Variants in SOX5 observed in about 807,000 individuals in gnomAD.
SOX5 encodes SRY-box transcription factor 5.
In SOX5, 9 loss-of-function variants were observed where a neutral mutation model predicts 92.0. The observed-to-expected ratio is 0.10, with a 90% confidence interval of 0.06 to 0.17. SOX5 has a LOEUF of 0.17. Among genes scored for constraint, SOX5 ranks in the 10% least tolerant of loss-of-function variants. SOX5 has a pLI of 1.00. For missense variants in SOX5, 642 were observed against 944.5 expected (o/e 0.68, Z 4.20); for synonymous variants, 344 against 336.3 (o/e 1.02, Z -0.25).
chr12:24,281,955 TCGATGCGATTTC>T (rs1241767387), intron 2 of SOX5, among the ~76,000 whole-genome samples: 1 of 114,814 alleles, frequency 8.7e-6, no homozygotes, highest in African/African-American at 3.9e-5. Context: ...ACTGTGTTCC[TCGATGCGATTTC>T]CGGGGCATCA....
chr12:23,822,542 T>G (rs1382241120), intron 3 of SOX5, among the ~76,000 whole-genome samples: 1 of 152,210 alleles, frequency 6.6e-6, no homozygotes, highest in Non-Finnish European at 1.5e-5. Context: ...CTTCCAATTA[T>G]GTGGTCAATT....
intron 2 of SOX5, among the ~76,000 whole-genome samples, chr12:23,877,578 T>G (rs2096941423): frequency 6.6e-6 from 1 of 152,084 alleles, no homozygotes; most frequent in Non-Finnish European, 1.5e-5. Flanking sequence ...TAATAAGAGA[T>G]ATATCAAAGC....
chr12:23,561,887 C>T (rs866299018), intron 11 of SOX5, among the ~76,000 whole-genome samples: 1 of 151,538 alleles, frequency 6.6e-6, no homozygotes. Flanking sequence ...GAATTCAATG[C>T]GCTTAACAAA....
At chr12:23,537,209 A>G (rs934245217) in intron 13 of SOX5, among the ~76,000 whole-genome samples, 1 of 151,912 alleles carries the variant, frequency 6.6e-6, no homozygotes, top group Non-Finnish European at 1.5e-5. Context: ...TTAAAATTAT[A>G]ATATTAATAA....
chr12:24,150,377 G>A (rs1025355458), intron 4 of SOX5, among the ~76,000 whole-genome samples: 2 of 152,118 alleles, frequency 1.3e-5, no homozygotes, highest in Admixed American at 6.5e-5. Context: ...TTGGACTGAG[G>A]AAAATATCAT....
chr12:23,760,679 T>C (rs2094538443), intron 3 of SOX5, among the ~76,000 whole-genome samples: 1 of 152,060 alleles, frequency 6.6e-6, no homozygotes, highest in Non-Finnish European at 1.5e-5. Context: ...GCTCATTCCC[T>C]ATAACTCTCA....
chr12:23,654,815 G>A (rs1159358510), intron 7 of SOX5, among the ~76,000 whole-genome samples: 1 of 152,032 alleles, frequency 6.6e-6, no homozygotes, highest in Non-Finnish European at 1.5e-5. Context: ...AGAATGGTAA[G>A]TAATGAATGG....
intron 4 of SOX5, among the ~76,000 whole-genome samples, chr12:24,193,453 C>G (rs1259636433): frequency 6.6e-6 from 1 of 152,232 alleles, no homozygotes; most frequent in African/African-American, 2.4e-5. Context: ...CATTTGCTAT[C>G]CTTGGCTGCC....
At chr12:24,451,882 A>G (rs1942364149) in intron 1 of SOX5, among the ~76,000 whole-genome samples, 1 of 152,230 alleles carries the variant, frequency 6.6e-6, no homozygotes, top group African/African-American at 2.4e-5. Context: ...ATGCCATTAG[A>G]AAAGTAATAA....
At chr12:23,896,352 A>C (rs2097177655) in intron 1 of SOX5, among the ~76,000 whole-genome samples, 1 of 152,220 alleles carries the variant, frequency 6.6e-6, no homozygotes, top group South Asian at 2.1e-4. Flanking sequence ...ATCTAGTTTT[A>C]CACTCTGATA....
At chr12:24,344,081 G>A (rs1952903091) in intron 2 of SOX5, among the ~76,000 whole-genome samples, 1 of 151,930 alleles carries the variant, frequency 6.6e-6, no homozygotes. Context: ...TCAGGAGATT[G>A]AGGCCATCCT....
At chr12:24,226,325 T>C (rs952169946) in intron 3 of SOX5, among the ~76,000 whole-genome samples, 2 of 152,164 alleles carry the variant, frequency 1.3e-5, no homozygotes, top group Non-Finnish European at 2.9e-5. Flanking sequence ...CAAATGTATG[T>C]ATTTATTCTT....
intron 4 of SOX5, among the ~76,000 whole-genome samples, chr12:24,110,010 G>A (rs947788272): frequency 2.6e-5 from 4 of 152,120 alleles, no homozygotes; most frequent in African/African-American, 4.8e-5. Flanking sequence ...GTTTCAACAT[G>A]AATTTTGGAG....
At chr12:23,590,622 GCTTA>G (rs1416604995) in intron 9 of SOX5, among the ~76,000 whole-genome samples, 1 of 151,800 alleles carries the variant, frequency 6.6e-6, no homozygotes, top group Non-Finnish European at 1.5e-5. Context: ...TTAATTGTTG[GCTTA>G]CTTGTTTGTT....
intron 2 of SOX5, among the ~76,000 whole-genome samples, chr12:23,877,077 C>T (rs79016312): frequency 1.3e-5 from 2 of 152,192 alleles, no homozygotes; most frequent in South Asian, 2.1e-4. Context: ...ACCACTATGG[C>T]ACCTGTATAC....
At chr12:24,246,652 G>T (rs949155094) in intron 3 of SOX5, among the ~76,000 whole-genome samples, 12 of 151,998 alleles carry the variant, frequency 7.9e-5, no homozygotes, top group African/African-American at 2.4e-4. Context: ...CAAAGTAAAA[G>T]AATTTTTAAA....
chr12:23,610,456 G>T (rs2075813714), intron 8 of SOX5, among the ~76,000 whole-genome samples: 1 of 152,100 alleles, frequency 6.6e-6, no homozygotes, highest in African/African-American at 2.4e-5. Flanking sequence ...TGAAGGCAGA[G>T]ATTATGTCCC....
In SOX5 at chr12:24,383,304, G is replaced by A. The variant is rs554464608; in HGVS notation, c.-250-14665C>T. The stretch of plus-strand genomic sequence containing the variant: ...AAAATCACAACTACCTTTATGTAAC[G>A]ATTTGTTTTTAATAGAGACAATTCC... On this transcript the variant is annotated intron_variant, in intron 1 of 4. Coordinates refer to the SOX5 transcript ENST00000446891. Among the ~76,000 whole-genome samples the A allele has an allele frequency of 1.4e-4, 22 of 152,254 alleles. No individual in the cohort carries two copies. In the South Asian group the frequency reaches 3.5e-3, roughly 24 times the overall value.
At chr12:24,358,000 C>T (rs1354417576) in intron 2 of SOX5, among the ~76,000 whole-genome samples, 2 of 152,136 alleles carry the variant, frequency 1.3e-5, no homozygotes, top group African/African-American at 2.4e-5. Flanking sequence ...CTATAAAATC[C>T]ATGCCTTGTC....
Sources: allele counts gnomAD v4.1 joint callset (sites outside exome capture counted in the v4.1 genomes callset), GRCh38; gene constraint gnomAD v4.1.1; transcripts MANE v1.5; gene names NCBI Gene and HGNC (gene_info 2026-07-23, HGNC 2026-07-21).